The following OPCML variants were observed in gnomAD, a reference collection of about 807,000 sequenced individuals.
The protein encoded by OPCML is opioid binding protein/cell adhesion molecule like, also known as opioid-binding protein/cell adhesion molecule.
Under a neutral mutation model 37.8 loss-of-function variants are expected in OPCML, and 13 were observed. The ratio of observed to expected loss-of-function variants is 0.34; its 90% CI spans 0.22 to 0.55. OPCML has a LOEUF of 0.55. Ranked by LOEUF, OPCML falls within the 20% of genes least tolerant of loss-of-function variation. OPCML has a pLI of 0.91. For missense variants in OPCML, 341 were observed against 435.6 expected, an observed-to-expected ratio of 0.78 and a Z score of 1.93; for synonymous variants, 176 against 168.8, an observed-to-expected ratio of 1.04 and a Z score of -0.33.
intron 2 of OPCML, among the ~76,000 whole-genome samples, chr11:132,820,451 A>G (rs1342030172): frequency 2.0e-5 from 3 of 152,148 alleles, no homozygotes; most frequent in Non-Finnish European, 4.4e-5. Flanking sequence ...CAAGAAAACT[A>G]AGGACTTATA....
At chr11:132,596,425 T>C (rs2096492540) in intron 3 of OPCML, among the ~76,000 whole-genome samples, 3 of 152,234 alleles carry the variant, frequency 2.0e-5, no homozygotes, top group Admixed American at 1.3e-4. Flanking sequence ...TGAACATTTA[T>C]TCTATGAAGA....
At chr11:132,546,741 C>A (rs2096369551) in intron 3 of OPCML, among the ~76,000 whole-genome samples, 1 of 152,130 alleles carries the variant, frequency 6.6e-6, no homozygotes, top group Non-Finnish European at 1.5e-5. Flanking sequence ...TTAGTACCTA[C>A]AAAGTAGGAC....
intron 7 of OPCML, among the ~76,000 whole-genome samples, chr11:132,431,835 G>A (rs1565556535): frequency 6.6e-6 from 1 of 152,216 alleles, no homozygotes; most frequent in Non-Finnish European, 1.5e-5. Context: ...GACCGTCTGT[G>A]AGAGTAAATA....
intron 1 of OPCML, among the ~76,000 whole-genome samples, chr11:133,046,941 C>T (rs930223828): frequency 1.6e-5 from 2 of 122,230 alleles, no homozygotes; most frequent in African/African-American, 7.8e-5. Context: ...ATATTTTTAA[C>T]TTTACAATTT....
intron 1 of OPCML, among the ~76,000 whole-genome samples, chr11:133,032,070 T>A (rs550756392): frequency 1.3e-5 from 2 of 152,308 alleles, no homozygotes; most frequent in South Asian, 4.1e-4. Context: ...CTAGAGTGGA[T>A]ATCCAGTAGT....
At chr11:132,967,161 ACT>A (rs1946235212) in intron 1 of OPCML, among the ~76,000 whole-genome samples, 1 of 151,220 alleles carries the variant, frequency 6.6e-6, no homozygotes, top group African/African-American at 2.4e-5. Flanking sequence ...ATACTTTTTC[ACT>A]CTATTTTATT....
intron 2 of OPCML, among the ~76,000 whole-genome samples, chr11:132,876,862 T>A (rs1315734313): frequency 2.0e-5 from 3 of 152,122 alleles, no homozygotes; most frequent in African/African-American, 7.2e-5. Flanking sequence ...AAGGATGTGG[T>A]TTTTGCTTTT....
chr11:133,112,285 C>CAAAAA (rs370146450), intron 1 of OPCML, among the ~76,000 whole-genome samples: 6,518 of 48,404 alleles, frequency 0.13, 392 homozygotes, highest in Non-Finnish European at 0.2. Context: ...GACTCTTGGC[C>CAAAAA]AAAAAAAAAA....
chr11:132,808,564 T>C (rs1182305046), intron 2 of OPCML, among the ~76,000 whole-genome samples: 1 of 152,176 alleles, frequency 6.6e-6, no homozygotes, highest in African/African-American at 2.4e-5. Context: ...AATTTGATGA[T>C]CATTGGGTAT....
intron 2 of OPCML, among the ~76,000 whole-genome samples, chr11:132,827,004 A>T (rs945378297): frequency 2.0e-5 from 3 of 152,144 alleles, no homozygotes; most frequent in Non-Finnish European, 1.5e-5. Flanking sequence ...TCAGCATCAG[A>T]TCCTTCTTAG....
chr11:132,618,427 C>T lies in OPCML; in HGVS notation c.379+38660G>A, dbSNP rs149419968. Reference sequence around the variant, plus strand: ...CTCTGGAAGGAGACTCACTTGAACCCGGGAGGCGTAGGTTGCAGTGAGCCG... The same window carrying T: ...CTCTGGAAGGAGACTCACTTGAACCTGGGAGGCGTAGGTTGCAGTGAGCCG... On this transcript the variant is annotated intron_variant, in intron 3 of 7. Transcript: ENST00000524381. Among the ~76,000 whole-genome samples, 722 of 152,186 alleles carry T rather than the reference C, an allele frequency of 4.7e-3. 5 individuals carry two copies. Among genetic ancestry groups the T allele is most frequent in the African/African-American group, 0.014 (589 of 41,520 alleles).
At chr11:133,198,688 C>T (rs928120090) in intron 1 of OPCML, among the ~76,000 whole-genome samples, 2 of 152,168 alleles carry the variant, frequency 1.3e-5, no homozygotes, top group African/African-American at 4.8e-5. Flanking sequence ...ACAGAGAGAC[C>T]ATGGGAGTGT....
chr11:132,484,395 A>G (rs1277418187), intron 4 of OPCML, among the ~76,000 whole-genome samples: 11 of 152,096 alleles, frequency 7.2e-5, no homozygotes, highest in Non-Finnish European at 1.2e-4. Flanking sequence ...TTAGAATGGC[A>G]ATCATTAAAA....
At chr11:132,746,063 T>G (rs1591548663) in intron 2 of OPCML, among the ~76,000 whole-genome samples, 1 of 151,732 alleles carries the variant, frequency 6.6e-6, no homozygotes, top group East Asian at 1.9e-4. Flanking sequence ...GCACCTCCAG[T>G]TTTGCCCTCC....
At chr11:132,969,564 G>C (rs1946293590) in intron 1 of OPCML, among the ~76,000 whole-genome samples, 1 of 152,136 alleles carries the variant, frequency 6.6e-6, no homozygotes, top group Non-Finnish European at 1.5e-5. Flanking sequence ...GTTGTACTTA[G>C]TGGTGTTCCA....
At chr11:132,455,096 G>C (rs1007773168) in intron 4 of OPCML, among the ~76,000 whole-genome samples, 1 of 152,140 alleles carries the variant, frequency 6.6e-6, no homozygotes, top group African/African-American at 2.4e-5. Flanking sequence ...ATTCTTAAAC[G>C]ATCTTATCTA....
At chr11:132,629,560 C>T (rs1196630171) in intron 3 of OPCML, among the ~76,000 whole-genome samples, 2 of 152,186 alleles carry the variant, frequency 1.3e-5, no homozygotes, top group Admixed American at 6.5e-5. Context: ...TACCAAAATA[C>T]TGTTACATAA....
intron 1 of OPCML, among the ~76,000 whole-genome samples, chr11:133,308,008 T>A (rs1208720826): frequency 2.0e-5 from 3 of 152,080 alleles, no homozygotes; most frequent in Non-Finnish European, 4.4e-5. Flanking sequence ...AATCTAACAA[T>A]GAAAAGACGA....
At chr11:132,642,833 A>C (rs1391804051) in intron 3 of OPCML, among the ~76,000 whole-genome samples, 1 of 152,218 alleles carries the variant, frequency 6.6e-6, no homozygotes, top group African/African-American at 2.4e-5. Flanking sequence ...GAAATTTTAC[A>C]TACCTTCCTC....
Sources: gnomAD v4.1 joint callset for allele counts (sites outside exome capture counted in the v4.1 genomes callset) on GRCh38, gnomAD v4.1.1 for gene constraint, MANE v1.5 for transcripts, NCBI Gene and HGNC (gene_info 2026-07-23, HGNC 2026-07-21) for gene names.